DPP10: variants seen among roughly 807,000 people sequenced by gnomAD.
DPP10 encodes the protein inactive dipeptidyl peptidase 10.
In DPP10, 33 loss-of-function variants were observed where a neutral mutation model predicts 120.9. That is an observed-to-expected ratio of 0.27 (90% CI 0.21 to 0.37). The LOEUF is 0.37. DPP10 is among the 10% of genes least tolerant of loss of function. DPP10 has a pLI of 1.00. For missense variants in DPP10, 816 were observed against 942.8 expected, an observed-to-expected ratio of 0.87 and a Z score of 1.76; for synonymous variants, 337 against 326.1, an observed-to-expected ratio of 1.03 and a Z score of -0.36.
chr2:115,408,508 C>T (rs1419055669), intron 3 of DPP10, among the ~76,000 whole-genome samples: 1 of 152,088 alleles, frequency 6.6e-6, no homozygotes, highest in East Asian at 1.9e-4. Flanking sequence ...TTTTACACAA[C>T]TGTAAAATAT....
intron 1 of DPP10, among the ~76,000 whole-genome samples, chr2:114,919,428 CA>C (rs2106636235): frequency 6.6e-6 from 1 of 152,324 alleles, no homozygotes; most frequent in African/African-American, 2.4e-5. Flanking sequence ...AACTAGCTCA[CA>C]AACTAGTCTT....
chr2:115,767,484 TGTGTGTATATATATATACACATA>T (rs1680913581), intron 12 of DPP10, among the ~76,000 whole-genome samples: 1 of 145,226 alleles, frequency 6.9e-6, no homozygotes, highest in African/African-American at 2.5e-5. Context: ...TGTGTGTGTG[TGTGTGTATATATATATACACATA>T]GTGTGTGTGT....
chr2:114,638,514 G>C (rs544689870), intron 1 of DPP10, among the ~76,000 whole-genome samples: 2 of 151,894 alleles, frequency 1.3e-5, no homozygotes, highest in South Asian at 4.1e-4. Context: ...GCCAACAAAA[G>C]TGAAGCAAAA....
In DPP10 at chr2:114,475,580, A is replaced by G. The variant is rs543025699; in HGVS notation, c.60+32742A>G. On this transcript the variant is annotated intron_variant, in intron 1 of 25. Coordinates refer to ENST00000410059, the MANE Select transcript of DPP10 (RefSeq NM_020868.6). ...TTAAAAATGCAGAATTCAGGGATCC[A>G]GTGCCCAGTCATAATCTCTAGGGCT... is the stretch of plus-strand genomic sequence containing the variant. Among the ~76,000 whole-genome samples the G allele has an allele frequency of 3.3e-5, 5 of 152,298 alleles. No homozygotes were observed. In the South Asian group the frequency reaches 1.0e-3, roughly 32 times the overall value.
intron 2 of DPP10, among the ~76,000 whole-genome samples, chr2:115,320,657 A>G (rs1003915481): frequency 1.3e-5 from 2 of 152,038 alleles, no homozygotes; most frequent in African/African-American, 4.8e-5. Flanking sequence ...ATCTATATAT[A>G]TTGTGTGACC....
At chr2:114,804,559 C>T (rs1259352701) in intron 1 of DPP10, among the ~76,000 whole-genome samples, 1 of 152,204 alleles carries the variant, frequency 6.6e-6, no homozygotes, top group Non-Finnish European at 1.5e-5. Flanking sequence ...TCAGCGTGAC[C>T]TGGATGTGAG....
intron 21 of DPP10, among the ~76,000 whole-genome samples, chr2:115,832,841 C>A (rs544243040): frequency 2.0e-4 from 31 of 151,780 alleles, no homozygotes; most frequent in African/African-American, 6.3e-4. Context: ...TAGGGAACAT[C>A]GGCTGGGACT....
At chr2:115,084,273 TAAC>T (rs975225570) in intron 1 of DPP10, among the ~76,000 whole-genome samples, 12 of 152,200 alleles carry the variant, frequency 7.9e-5, no homozygotes, top group East Asian at 5.8e-4. Flanking sequence ...TTTTAAAATT[TAAC>T]AACAACAAAA....
chr2:115,808,055 T>C (rs1368211462), intron 19 of DPP10, among the ~76,000 whole-genome samples: 1 of 152,164 alleles, frequency 6.6e-6, no homozygotes, highest in Non-Finnish European at 1.5e-5. Flanking sequence ...AATCTAACTA[T>C]GAAGAAGCTC....
chr2:115,323,567 C>G (rs1242386704), intron 2 of DPP10, among the ~76,000 whole-genome samples: 2 of 152,126 alleles, frequency 1.3e-5, no homozygotes, highest in Admixed American at 6.5e-5. Flanking sequence ...ATTCACTTTG[C>G]CCAGACCCTT....
intron 1 of DPP10, among the ~76,000 whole-genome samples, chr2:114,882,378 C>G (rs1052754667): frequency 6.6e-6 from 1 of 151,984 alleles, no homozygotes; most frequent in Non-Finnish European, 1.5e-5. Flanking sequence ...GAGCTGGAGG[C>G]CATTATTCTA....
intron 1 of DPP10, among the ~76,000 whole-genome samples, chr2:115,082,019 T>C (rs1708312662): frequency 6.6e-6 from 1 of 152,232 alleles, no homozygotes; most frequent in Non-Finnish European, 1.5e-5. Flanking sequence ...ATTCCTTCTT[T>C]TCAGGCCTCA....
intron 1 of DPP10, among the ~76,000 whole-genome samples, chr2:114,489,915 G>A (rs1681842500): frequency 6.6e-6 from 1 of 152,202 alleles, no homozygotes; most frequent in Non-Finnish European, 1.5e-5. Flanking sequence ...TGTGAACTGG[G>A]CTGATGTGAA....
chr2:114,917,764 C>T (rs892547803), intron 1 of DPP10, among the ~76,000 whole-genome samples: 11 of 152,056 alleles, frequency 7.2e-5, no homozygotes, highest in African/African-American at 2.4e-4. Context: ...ATGCAGAAGA[C>T]TGAAACTGGG....
chr2:115,306,729 A>G (rs1486856092), intron 1 of DPP10, among the ~76,000 whole-genome samples: 1 of 152,108 alleles, frequency 6.6e-6, no homozygotes, highest in African/African-American at 2.4e-5. Flanking sequence ...TATGTGCATC[A>G]CTTTATGAAC....
chr2:115,683,600 G>A (rs2090797774), intron 5 of DPP10, among the ~76,000 whole-genome samples: 1 of 151,696 alleles, frequency 6.6e-6, no homozygotes, highest in African/African-American at 2.4e-5. Context: ...TGGAGGCAGA[G>A]GTATGTGAGT....
intron 19 of DPP10, among the ~76,000 whole-genome samples, chr2:115,798,735 T>C (rs890393691): frequency 6.6e-6 from 1 of 152,094 alleles, no homozygotes; most frequent in Non-Finnish European, 1.5e-5. Context: ...ACCCAAATAA[T>C]ACAATTGTTA....
rs569497896 is a variant in DPP10 at position 115,489,839 on chromosome 2, G to C, written c.272-9671G>C. On this transcript the variant is annotated intron_variant, in intron 3 of 25. Coordinates refer to ENST00000410059, the MANE Select transcript of DPP10 (RefSeq NM_020868.6). ...TTTCCCAAGCCTTTCCCAGATCTAG[G>C]GGAGATTAGCTGACAGTCTGACAAC... 2.6e-5 allele frequency among the ~76,000 whole-genome samples: 4 copies of C among 152,018 alleles called. No homozygotes were observed. The East Asian group carries it at 7.8e-4, about 30-fold the overall frequency.
chr2:115,019,290 G>A (rs1360571243), intron 1 of DPP10, among the ~76,000 whole-genome samples: 1 of 151,928 alleles, frequency 6.6e-6, no homozygotes, highest in Non-Finnish European at 1.5e-5. Flanking sequence ...AAAAAAGAAA[G>A]GAACATTCTT....
Sources: gnomAD v4.1 joint callset for allele counts (sites outside exome capture counted in the v4.1 genomes callset) on GRCh38, gnomAD v4.1.1 for gene constraint, MANE v1.5 for transcripts, NCBI Gene and HGNC (gene_info 2026-07-23, HGNC 2026-07-21) for gene names.